PBX2: variants seen among roughly 807,000 people sequenced by gnomAD.
PBX2 encodes PBX homeobox 2, also known as pre-B-cell leukemia transcription factor 2.
Under a neutral mutation model 46.5 loss-of-function variants are expected in PBX2, and 10 were observed. The ratio of observed to expected loss-of-function variants is 0.21; its 90% CI spans 0.13 to 0.36. The LOEUF is 0.36. Among genes scored for constraint, PBX2 ranks in the 10% least tolerant of loss-of-function variants. The pLI is 1.00. For synonymous variants in PBX2, 160 were observed against 222.5 expected (o/e 0.72, Z 2.50); for missense variants, 392 against 580.5 (o/e 0.68, Z 3.34).
In PBX2 at chr6:32,189,876, C is replaced by A; in HGVS notation, c.40G>T (p.Gly14Cys). The change falls in exon 1 of 9, where the codon GGC (glycine) becomes TGC (cysteine). Residue 14 changes from glycine to cysteine, a missense_variant. Gly to Cys is a radical substitution (Grantham distance 159, BLOSUM62 -3). Around this residue, in one of 3 missense-constraint regions of PBX2, gnomAD observed 196 missense variants for 246.9 expected, o/e 0.79. Coordinates refer to ENST00000375050, the MANE Select transcript of PBX2 (RefSeq NM_002586.5). The surrounding 1 kb of genome is among the most constrained non-coding windows in gnomAD (Gnocchi z 4.7). ...RLLGPPPPGG[G>C]RGGLGLVSGE... ...CTCACCAATCCCAGGCCCCCCCGGC[C>A]CCCGCCTGGAGGGGGCGGCCCCAGT... is the stretch of plus-strand genomic sequence containing the variant. The A allele has an allele frequency of 2.0e-6, 3 of 1,474,814 alleles. No individual in the cohort carries two copies. Among genetic ancestry groups the A allele is most frequent in the Non-Finnish European group, 2.7e-6 (3 of 1,109,656 alleles). The allele number at this position is 1,474,814 out of a possible 1,614,324, so 91.4% of individuals were successfully genotyped here.
In PBX2 at chr6:32,187,221, C is replaced by T. The variant is rs204994; in HGVS notation, c.1024+21G>A. Reference sequence around the variant, plus strand: ...GCAGGAAGTGTGCAAAACAGTCAGCCGGGGTGACAGTGGGATCCACCTGCA... The same window carrying T: ...GCAGGAAGTGTGCAAAACAGTCAGCTGGGGTGACAGTGGGATCCACCTGCA... On this transcript the variant is annotated intron_variant, in intron 6 of 8. Transcript: ENST00000375050. This position sits in a 1 kb window ranked among gnomAD's most constrained non-coding sequence, Gnocchi z 7.7. 0.22 allele frequency: 356,276 copies of T among 1,611,374 alleles called. 42,070 individuals carry two copies. Among genetic ancestry groups the T allele is most frequent in the African/African-American group, 0.25 (18,708 of 74,902 alleles).
rs1476513888 is a variant in PBX2 at position 32,184,762 on chromosome 6, A to T, written c.*1620T>A. ...GGGAAAAAAGAAATTTCTTTATTTA[A>T]AACTGCATTTTGTTTTTTTTCTGTG... On this transcript the variant is annotated 3_prime_UTR_variant, in exon 9 of 9. Transcript: ENST00000375050. The T allele has an allele frequency of 6.5e-6, 1 of 154,402 alleles. No individual in the cohort carries two copies. The highest frequency in any genetic ancestry group is 1.4e-5 in the Non-Finnish European group (1 of 69,634). 9.6% of individuals were successfully genotyped at this position (154,402 alleles called of 1,614,324 possible).
rs755654721 is a variant in PBX2 at position 32,186,714 on chromosome 6, G to C, written c.1114-24C>G. On this transcript the variant is annotated intron_variant, in intron 7 of 8. Coordinates refer to ENST00000375050, the MANE Select transcript of PBX2 (RefSeq NM_002586.5). The surrounding 1 kb of genome is among the most constrained non-coding windows in gnomAD (Gnocchi z 4.2). ...ACCTGCAGGCAGCAGAGGAAGGTAT[G>C]ACAGTGAAGAGAAGCCTCAGAGGAA... The C allele has an allele frequency of 1.4e-5, 23 of 1,601,964 alleles. No individual in the cohort carries two copies. The Admixed American group carries it at 1.7e-4, about 12-fold the overall frequency.
At position 32,185,532 on chromosome 6, in the gene PBX2, A is replaced by T. The variant is rs1787003834; in HGVS notation, c.*850T>A. The stretch of plus-strand genomic sequence containing the variant: ...CTAATATGGGAAAGTAAGAAATAAA[A>T]AAAAAAAAAGACAAGAAATCAACAT... On this transcript the variant is annotated 3_prime_UTR_variant, in exon 9 of 9. Coordinates refer to ENST00000375050, the MANE Select transcript of PBX2 (RefSeq NM_002586.5). The T allele has an allele frequency of 1.8e-4, 1 of 5,590 alleles. No homozygotes were observed. Among genetic ancestry groups the T allele is most frequent in the South Asian group, 0.042 (1 of 24 alleles). The allele number at this position is 5,590 out of a possible 1,614,324, so 0.3% of individuals were successfully genotyped here.
At position 32,187,081 on chromosome 6, in the gene PBX2, T is replaced by C. The variant is rs1787176694; in HGVS notation, c.1024+161A>G. 9.5e-7 allele frequency: 1 copy of C among 1,052,686 alleles called. No homozygotes were observed. The highest frequency in any genetic ancestry group is 2.3e-5 in the Admixed American group (1 of 43,222). The allele number at this position is 1,052,686 out of a possible 1,614,324, so 65.2% of individuals were successfully genotyped here. A position where few individuals can be genotyped will look rare whatever the true frequency, so the allele number is the denominator to read the frequency against. On this transcript the variant is annotated intron_variant, in intron 6 of 8. Coordinates refer to ENST00000375050, the MANE Select transcript of PBX2 (RefSeq NM_002586.5). The surrounding 1 kb of genome is among the most constrained non-coding windows in gnomAD (Gnocchi z 7.7). ...CGTGGGAAGAAAGGCAGAACTAAGATCACTGGAATGGCCTCTGTCCCCTGA... is the reference window on the plus strand; with the variant it reads ...CGTGGGAAGAAAGGCAGAACTAAGACCACTGGAATGGCCTCTGTCCCCTGA...
At position 32,184,920 on chromosome 6, in the gene PBX2, T is replaced by C. The variant is rs1484400609; in HGVS notation, c.*1462A>G. On this transcript the variant is annotated 3_prime_UTR_variant, in exon 9 of 9. Coordinates refer to ENST00000375050, the MANE Select transcript of PBX2 (RefSeq NM_002586.5). Reference sequence around the variant, plus strand: ...TGGGAGGGGTTCCCCACTCTGACAGTCTTGTAAAATCCTGAGAATGTCTGA... The same window carrying C: ...TGGGAGGGGTTCCCCACTCTGACAGCCTTGTAAAATCCTGAGAATGTCTGA... 1 of 140,020 alleles carries C rather than the reference T, an allele frequency of 7.1e-6. No homozygotes were observed. The highest frequency in any genetic ancestry group is 1.5e-5 in the Non-Finnish European group (1 of 65,952). The allele number at this position is 140,020 out of a possible 1,614,324, so 8.7% of individuals were successfully genotyped here.
chr6:32,188,339 T>C lies in PBX2; in HGVS notation c.461A>G (p.Asn154Ser). The C allele has an allele frequency of 6.2e-7, 1 of 1,613,942 alleles. No homozygotes were observed. Among genetic ancestry groups the C allele is most frequent in the Non-Finnish European group, 8.5e-7 (1 of 1,179,968 alleles). The change falls in exon 3 of 9, where the codon AAC becomes AGC. Residue 154 changes from asparagine to serine, a missense_variant. By Grantham distance (46) the Asn-to-Ser change is conservative. Coordinates refer to ENST00000375050, the MANE Select transcript of PBX2 (RefSeq NM_002586.5). This position sits in a 1 kb window ranked among gnomAD's most constrained non-coding sequence, Gnocchi z 6.5. ...GCGATAGTCCGAGTGTTCGATGGAGTTGTCAGGGGACACACCACCACCAGA... is the reference window on the plus strand; with the variant it reads ...GCGATAGTCCGAGTGTTCGATGGAGCTGTCAGGGGACACACCACCACCAGA... ...AASGGGVSPD[N>S]SIEHSDYRSK...
Position 32,189,854 on chromosome 6 carries a change from A to C in PBX2, c.62T>G (p.Val21Gly), listed in dbSNP as rs1582744060. The C allele has an allele frequency of 6.5e-7, 1 of 1,534,842 alleles. No homozygotes were observed. The highest frequency in any genetic ancestry group is 1.2e-5 in the South Asian group (1 of 84,292). The change falls in exon 1 of 9, where the codon GTG (valine) becomes GGG (glycine). Residue 21 changes from valine (V) to glycine (G), a missense_variant. Val to Gly is a moderately radical substitution (Grantham distance 109). Around this residue, in one of 3 missense-constraint regions of PBX2, gnomAD observed 196 missense variants for 246.9 expected, o/e 0.79. Transcript: ENST00000375050. The surrounding 1 kb of genome is among the most constrained non-coding windows in gnomAD (Gnocchi z 4.7). ...PGGGRGGLGLVSGEPGGPGEP... is the reference protein window; with the variant it reads ...PGGGRGGLGLGSGEPGGPGEP... ...GCCAGGGCCCCCAGGCTCCCCACTCACCAATCCCAGGCCCCCCCGGCCCCC... is the reference window on the plus strand; with the variant it reads ...GCCAGGGCCCCCAGGCTCCCCACTCCCCAATCCCAGGCCCCCCCGGCCCCC...
In PBX2 at chr6:32,188,870, G is replaced by T; in HGVS notation, c.222-74C>A. 7.7e-7 allele frequency: 1 copy of T among 1,296,714 alleles called. No individual in the cohort carries two copies. Among genetic ancestry groups the T allele is most frequent in the Non-Finnish European group, 1.1e-6 (1 of 892,758 alleles). 80.3% of individuals were successfully genotyped at this position (1,296,714 alleles called of 1,614,324 possible). ...AACAGAGCAGGGGGCCTGAGAACAA[G>T]GAGGGAGGAGGGTCAGTCTGCGGAG... On this transcript the variant is annotated intron_variant, in intron 1 of 8. Transcript: ENST00000375050. The surrounding 1 kb of genome is among the most constrained non-coding windows in gnomAD (Gnocchi z 6.5).
rs9281667 is a variant in PBX2 at position 32,188,705 on chromosome 6, C to CG, written c.295+17dup. 21,114 of 1,603,644 alleles carry CG rather than the reference C, an allele frequency of 0.013. 236 individuals carry two copies. The highest frequency in any genetic ancestry group is 0.037 in the African/African-American group (2,783 of 74,598). On this transcript the variant is annotated intron_variant, in intron 2 of 8. Coordinates refer to ENST00000375050, the MANE Select transcript of PBX2 (RefSeq NM_002586.5). This position sits in a 1 kb window ranked among gnomAD's most constrained non-coding sequence, Gnocchi z 6.5. Reference sequence around the variant, plus strand: ...GTTCTGTTCCCAGAGTTGAGCAATCCGGGGGGGGCCCACATACCAGTTTTC... The same window carrying CG: ...GTTCTGTTCCCAGAGTTGAGCAATCCGGGGGGGGGCCCACATACCAGTTTTC...
Position 32,186,650 on chromosome 6 carries a change from C to T in PBX2, c.1154G>A (p.Gly385Glu). 2 of 1,613,406 alleles carry T rather than the reference C, an allele frequency of 1.2e-6. No individual in the cohort carries two copies. The highest frequency in any genetic ancestry group is 1.7e-6 in the Non-Finnish European group (2 of 1,179,404). ...LRHSMGPGGY[G>E]DNLGGGQMYS... ...CATCTGGCCTCCCCCGAGGTTATCC[C>T]CATAGCCCCCTGGCCCCATCGAGTG... Residue 385 changes from glycine (G) to glutamate (E), a missense_variant, in exon 8 of 9, where the codon GGG becomes GAG. By Grantham distance (98) the Gly-to-Glu change is moderately conservative. Transcript: ENST00000375050. The surrounding 1 kb of genome is among the most constrained non-coding windows in gnomAD (Gnocchi z 4.2).
chr6:32,187,268 C>A lies in PBX2; in HGVS notation c.998G>T (p.Ser333Ile). The change falls in exon 6 of 9, where the codon AGC becomes ATC. Residue 333 changes from serine to isoleucine, a missense_variant. Around this residue, in one of 3 missense-constraint regions of PBX2, gnomAD observed 116 missense variants for 157.9 expected, o/e 0.73. Transcript: ENST00000375050. This position sits in a 1 kb window ranked among gnomAD's most constrained non-coding sequence, Gnocchi z 7.7. ...SVTQGGHSRT[S>I]SPTPPSSAGS... ...TGCAGAGGAAGGGGGTGTCGGGGAG[C>A]TGGTGCGGCTGTGGCCCCCCTGGGT... is the stretch of plus-strand genomic sequence containing the variant. 1 of 1,613,032 alleles carries A rather than the reference C, an allele frequency of 6.2e-7. No homozygotes were observed. Among genetic ancestry groups the A allele is most frequent in the East Asian group, 2.2e-5 (1 of 44,892 alleles).
Position 32,188,315 on chromosome 6 carries a change from C to T in PBX2, c.485G>A (p.Arg162His), listed in dbSNP as rs750981291. 1.1e-5 allele frequency: 18 copies of T among 1,613,940 alleles called. No individual in the cohort carries two copies. Among genetic ancestry groups the T allele is most frequent in the Admixed American group, 5.0e-5 (3 of 59,994 alleles). Residue 162 changes from arginine to histidine, a missense_variant, in exon 3 of 9, where the codon CGC (arginine) becomes CAC (histidine). Arg to His is a conservative substitution (Grantham distance 29). Around this residue, in one of 3 missense-constraint regions of PBX2, gnomAD observed 196 missense variants for 246.9 expected, o/e 0.79. Transcript: ENST00000375050. The surrounding 1 kb of genome is among the most constrained non-coding windows in gnomAD (Gnocchi z 6.5). ...GTGACGGATCTGGGCAAGTTTGCTG[C>T]GATAGTCCGAGTGTTCGATGGAGTT... ...PDNSIEHSDY[R>H]SKLAQIRHIY...
chr6:32,187,771 C>T lies in PBX2; in HGVS notation c.746G>A (p.Arg249His), dbSNP rs375879637. 3.7e-6 allele frequency: 6 copies of T among 1,612,522 alleles called. No homozygotes were observed. Among genetic ancestry groups the T allele is most frequent in the Non-Finnish European group, 5.1e-6 (6 of 1,179,862 alleles). Reference sequence around the variant, plus strand: ...CTCAGTGGCCTGTTTGCTGAAGTTACGGCGCTTTCGTCTACAGAGGAGGGA... The same window carrying T: ...CTCAGTGGCCTGTTTGCTGAAGTTATGGCGCTTTCGTCTACAGAGGAGGGA... ...SRFLDARRKRRNFSKQATEVL... is the reference protein window; with the variant it reads ...SRFLDARRKRHNFSKQATEVL... Residue 249 changes from arginine to histidine, a missense_variant, in exon 5 of 9, where the codon CGT becomes CAT. Coordinates refer to ENST00000375050, the MANE Select transcript of PBX2 (RefSeq NM_002586.5). This position sits in a 1 kb window ranked among gnomAD's most constrained non-coding sequence, Gnocchi z 7.7.
rs976273980 is a variant in PBX2 at position 32,189,137 on chromosome 6, G to A, written c.222-341C>T. 15 of 429,290 alleles carry A rather than the reference G, an allele frequency of 3.5e-5. No individual in the cohort carries two copies. The highest frequency in any genetic ancestry group is 2.8e-4 in the African/African-American group (14 of 50,686). The allele number at this position is 429,290 out of a possible 1,614,324, so 26.6% of individuals were successfully genotyped here. ...TCAGAGGGAGAGAGACAGAGGCTGG[G>A]GTTGAGAAGAGTCAGAGTTTGAGGT... On this transcript the variant is annotated intron_variant, in intron 1 of 8. Transcript: ENST00000375050. This position sits in a 1 kb window ranked among gnomAD's most constrained non-coding sequence, Gnocchi z 4.7.
Position 32,189,723 on chromosome 6 carries a change from C to A in PBX2, c.193G>T (p.Asp65Tyr). 2 of 1,609,892 alleles carry A rather than the reference C, an allele frequency of 1.2e-6. No homozygotes were observed. The highest frequency in any genetic ancestry group is 1.7e-6 in the Non-Finnish European group (2 of 1,178,318). ...GCCTGGGCCTCGTCCAGGCTCTGGT[C>A]GGTGATGGTCATTATCTGCTGCAGA... ...DILQQIMTITDQSLDEAQAKK... is the reference protein window; with the variant it reads ...DILQQIMTITYQSLDEAQAKK... The change falls in exon 1 of 9, where the codon GAC (aspartate) becomes TAC (tyrosine). Residue 65 changes from aspartate to tyrosine, a missense_variant. Asp to Tyr is a radical substitution (Grantham distance 160). Transcript: ENST00000375050. This position sits in a 1 kb window ranked among gnomAD's most constrained non-coding sequence, Gnocchi z 4.7.
Position 32,187,871 on chromosome 6 carries a change from G to A in PBX2, c.735-89C>T. On this transcript the variant is annotated intron_variant, in intron 4 of 8. Transcript: ENST00000375050. The surrounding 1 kb of genome is among the most constrained non-coding windows in gnomAD (Gnocchi z 7.7). ...ATGACCCCAGAGTCACCATTGTCAT[G>A]GAGTACCATGTTGTGCAGCATGGCA... 6.4e-7 allele frequency: 1 copy of A among 1,561,284 alleles called. No homozygotes were observed. The highest frequency in any genetic ancestry group is 8.7e-7 in the Non-Finnish European group (1 of 1,150,832).
Position 32,189,906 on chromosome 6 carries a change from G to C in PBX2, c.10C>G (p.Arg4Gly). Reference sequence around the variant, plus strand: ...CCTGGAGGGGGCGGCCCCAGTAGCCGTTCGTCCATAGCTGGGGGGGGGCCC... The same window carrying C: ...CCTGGAGGGGGCGGCCCCAGTAGCCCTTCGTCCATAGCTGGGGGGGGGCCC... MDE[R>G]LLGPPPPGGG... is the part of the protein sequence containing the mutation. The change falls in exon 1 of 9, where the codon CGG becomes GGG. Residue 4 changes from arginine (R) to glycine (G), a missense_variant. By Grantham distance (125) the Arg-to-Gly change is moderately radical. This residue lies in a region of PBX2 where 196 missense variants were observed against 246.9 expected (regional missense o/e 0.79). Coordinates refer to ENST00000375050, the MANE Select transcript of PBX2 (RefSeq NM_002586.5). This position sits in a 1 kb window ranked among gnomAD's most constrained non-coding sequence, Gnocchi z 4.7. 7.4e-7 allele frequency: 1 copy of C among 1,356,094 alleles called. No individual in the cohort carries two copies. 84.0% of individuals were successfully genotyped at this position (1,356,094 alleles called of 1,614,324 possible). A position where few individuals can be genotyped will look rare whatever the true frequency, so the allele number is the denominator to read the frequency against.
In PBX2 at chr6:32,188,702, A is replaced by G. The variant is rs367834047; in HGVS notation, c.295+21T>C. On this transcript the variant is annotated intron_variant, in intron 2 of 8. Transcript: ENST00000375050. The surrounding 1 kb of genome is among the most constrained non-coding windows in gnomAD (Gnocchi z 6.5). ...AGGGTTCTGTTCCCAGAGTTGAGCA[A>G]TCCGGGGGGGGCCCACATACCAGTT... The G allele has an allele frequency of 6.2e-7, 1 of 1,610,762 alleles. No individual in the cohort carries two copies.
Sources: allele counts gnomAD v4.1 joint callset, GRCh38; gene constraint gnomAD v4.1.1; regional missense constraint gnomAD v4.1.1; non-coding constraint Gnocchi (gnomAD v3.1); transcripts MANE v1.5; gene names NCBI Gene and HGNC (gene_info 2026-07-23, HGNC 2026-07-21).